The following KLF12 variants were observed in gnomAD, a reference collection of about 807,000 sequenced individuals.
KLF12 encodes Krueppel-like factor 12.
A neutral mutation model predicts 37.8 loss-of-function variants in KLF12; 9 were observed. That is an observed-to-expected ratio of 0.24 (90% CI 0.14 to 0.42). KLF12 has a LOEUF of 0.42. Among genes scored for constraint, KLF12 ranks in the 10% least tolerant of loss-of-function variants. KLF12 has a pLI of 1.00. For synonymous variants in KLF12, 208 were observed against 202.1 expected, an observed-to-expected ratio of 1.03 and a Z score of -0.25; for missense variants, 411 against 516.0, an observed-to-expected ratio of 0.80 and a Z score of 1.97.
intron 3 of KLF12, among the ~76,000 whole-genome samples, chr13:73,936,861 C>T (rs1889956670): frequency 6.6e-6 from 1 of 152,132 alleles, no homozygotes; most frequent in Non-Finnish European, 1.5e-5. Context: ...AAGAGTTAAT[C>T]CTTTGTGGTC....
In KLF12 at chr13:74,000,825, C is replaced by T. The variant is rs1191695478; in HGVS notation, c.-31-5772G>A. Among the ~76,000 whole-genome samples the T allele has an allele frequency of 4.6e-5, 7 of 152,132 alleles. No individual in the cohort carries two copies. In the East Asian group the frequency reaches 1.3e-3, roughly 29 times the overall value. ...CAAATAAGTCTTTAAAAGAAAGTAA[C>T]CATAGCAAATGAATTAAGCATTTCT... On this transcript the variant is annotated intron_variant, in intron 1 of 7. Coordinates refer to ENST00000377669, the MANE Select transcript of KLF12 (RefSeq NM_007249.5).
intron 5 of KLF12, among the ~76,000 whole-genome samples, chr13:73,804,283 C>A (rs1222081883): frequency 6.6e-6 from 1 of 152,078 alleles, no homozygotes; most frequent in Non-Finnish European, 1.5e-5. Flanking sequence ...TCCTCAGGGT[C>A]AGAACTATGA....
At chr13:74,284,790 A>T in the KLF12 span, among the ~76,000 whole-genome samples, 3 of 152,336 alleles carry the variant, frequency 2.0e-5, no homozygotes, top group Admixed American at 2.0e-4. Flanking sequence ...CAGCTTTCAT[A>T]TATACTATGA....
rs1178410106 is a variant in KLF12, at chr13:73,735,130, A to T, written c.870-19605T>A. Among the ~76,000 whole-genome samples the T allele has an allele frequency of 2.3e-3, 14 of 6,074 alleles. No homozygotes were observed. The East Asian group carries it at 0.074, about 32-fold the overall frequency. The allele number at this position is 6,074 out of a possible 152,430, so 4.0% of individuals were successfully genotyped here. On this transcript the variant is annotated intron_variant, in intron 6 of 7. Coordinates refer to ENST00000377669, the MANE Select transcript of KLF12 (RefSeq NM_007249.5). ...TAGCAAGTTCTCACCTCTACTATTA[A>T]AAAAAAAAAAAAAAAAAAAAGCCAG...
Position 73,948,247 on chromosome 13 carries a change from A to C in KLF12, c.34-4177T>G, listed in dbSNP as rs954624851. 3.3e-5 allele frequency among the ~76,000 whole-genome samples: 5 copies of C among 151,876 alleles called. No homozygotes were observed. In the East Asian group the frequency reaches 9.7e-4, roughly 29 times the overall value. On this transcript the variant is annotated intron_variant, in intron 2 of 7. Coordinates refer to ENST00000377669, the MANE Select transcript of KLF12 (RefSeq NM_007249.5). ...CAGATTCTTTTTTTTTTTGAGACAG[A>C]GTCCCACTCTATCACCCAGGCTGGA...
chr13:74,077,602 G>C (rs1172338240), intron 1 of KLF12, among the ~76,000 whole-genome samples: 1 of 152,182 alleles, frequency 6.6e-6, no homozygotes, highest in Admixed American at 6.5e-5. Flanking sequence ...TTTGTGAGAT[G>C]AGTAACCTTG....
At chr13:74,248,122 AAT>A in the KLF12 span, among the ~76,000 whole-genome samples, 1 of 152,104 alleles carries the variant, frequency 6.6e-6, no homozygotes, top group Non-Finnish European at 1.5e-5. Flanking sequence ...TGCTGCTTCA[AAT>A]ATTGGGGACT....
At chr13:73,971,937 T>C (rs1891355991) in intron 2 of KLF12, among the ~76,000 whole-genome samples, 1 of 152,186 alleles carries the variant, frequency 6.6e-6, no homozygotes, top group African/African-American at 2.4e-5. Context: ...CTTTAAATAG[T>C]ATTGTTTTCT....
chr13:74,072,408 A>ATATATATAT (rs1874324035), intron 1 of KLF12, among the ~76,000 whole-genome samples: 1 of 48,486 alleles, frequency 2.1e-5, no homozygotes, highest in Non-Finnish European at 4.8e-5. Context: ...TATATATATA[A>ATATATATAT]AAGATTATCT....
intron 3 of KLF12, among the ~76,000 whole-genome samples, chr13:73,916,218 CA>C (rs1566457291): frequency 1.4e-4 from 20 of 143,250 alleles, no homozygotes; most frequent in East Asian, 7.8e-4. Context: ...TACACACACA[CA>C]CACACACACA....
In KLF12 at chr13:74,099,747, G is replaced by A. The variant is rs149822331; in HGVS notation, c.-32+33992C>T. Among the ~76,000 whole-genome samples the A allele has an allele frequency of 3.9e-5, 6 of 152,246 alleles. No homozygotes were observed. The East Asian group carries it at 1.2e-3, about 29-fold the overall frequency. The stretch of plus-strand genomic sequence containing the variant: ...TTCAGCTATTTCACCCACTAGTCAT[G>A]GCTCTGTAGAGGTGAAGACCATGTC... On this transcript the variant is annotated intron_variant, in intron 1 of 7. Coordinates refer to ENST00000377669, the MANE Select transcript of KLF12 (RefSeq NM_007249.5).
intron 1 of KLF12, among the ~76,000 whole-genome samples, chr13:74,025,316 C>CAA (rs547339290): frequency 1.6e-5 from 2 of 126,692 alleles, no homozygotes; most frequent in African/African-American, 2.9e-5. Flanking sequence ...CATAATTCTA[C>CAA]AAAAAAAAAA....
chr13:74,094,128 T>C (rs1414186303), intron 1 of KLF12, among the ~76,000 whole-genome samples: 3 of 152,184 alleles, frequency 2.0e-5, no homozygotes, highest in East Asian at 1.9e-4. Flanking sequence ...ACCTTATATA[T>C]AGACTAAGCT....
At chr13:73,778,148 A>G (rs1880738687) in intron 5 of KLF12, among the ~76,000 whole-genome samples, 1 of 151,794 alleles carries the variant, frequency 6.6e-6, no homozygotes, top group Non-Finnish European at 1.5e-5. Flanking sequence ...AAAAAATAAA[A>G]AAAGAAAACA....
At chr13:74,188,712 T>C in the KLF12 span, among the ~76,000 whole-genome samples, 1 of 152,032 alleles carries the variant, frequency 6.6e-6, no homozygotes, top group South Asian at 2.1e-4. Flanking sequence ...AAACAAAGAG[T>C]GGGCCAGGCG....
At chr13:74,146,759 A>G in the KLF12 span, among the ~76,000 whole-genome samples, 7 of 152,356 alleles carry the variant, frequency 4.6e-5, no homozygotes, top group African/African-American at 1.7e-4. Context: ...TTTCTCATTT[A>G]ACCCTCATGA....
At chr13:73,983,260 C>T (rs956978241) in intron 2 of KLF12, among the ~76,000 whole-genome samples, 9 of 152,166 alleles carry the variant, frequency 5.9e-5, no homozygotes, top group Non-Finnish European at 8.8e-5. Flanking sequence ...ACTTAACATG[C>T]GATTAAAAAG....
At chr13:74,095,188 A>G (rs1264256564) in intron 1 of KLF12, among the ~76,000 whole-genome samples, 1 of 152,150 alleles carries the variant, frequency 6.6e-6, no homozygotes, top group Non-Finnish European at 1.5e-5. Flanking sequence ...AACAAAGATC[A>G]GTCATCTTTT....
chr13:74,099,995 C>T (rs1876229448), intron 1 of KLF12, among the ~76,000 whole-genome samples: 1 of 150,106 alleles, frequency 6.7e-6, no homozygotes, highest in African/African-American at 2.5e-5. Context: ...AAGAAGGGCA[C>T]ACACACAGGG....
Sources: gnomAD v4.1 joint callset for allele counts (sites outside exome capture counted in the v4.1 genomes callset) on GRCh38, gnomAD v4.1.1 for gene constraint, MANE v1.5 for transcripts, NCBI Gene and HGNC (gene_info 2026-07-23, HGNC 2026-07-21) for gene names.